Variants in DAZL observed in about 807,000 individuals in gnomAD.
The protein encoded by DAZL is deleted in azoospermia-like.
Under a neutral mutation model 45.0 loss-of-function variants are expected in DAZL, and 4 were observed. The ratio of observed to expected loss-of-function variants is 0.09; its 90% CI spans 0.04 to 0.20. DAZL has a LOEUF of 0.20. Ranked by LOEUF, DAZL falls within the 10% of genes least tolerant of loss-of-function variation. The pLI is 1.00. For missense variants in DAZL, 326 were observed against 351.3 expected (o/e 0.93, Z 0.58); for synonymous variants, 122 against 112.4 (o/e 1.09, Z -0.54).
intron 8 of DAZL, 55 bp from the exon 9 acceptor site, chr3:16,593,823 G>A (rs1694557628): frequency 2.6e-6 from 3 of 1,156,988 alleles, no homozygotes; most frequent in South Asian, 2.8e-5. Context: ...ATATTTAAAA[G>A]CCACTTATTC....
At chr3:16,596,942 A>G in intron 5 of DAZL, 46 bp downstream of exon 5, 1 of 1,613,190 alleles carries the variant, frequency 6.2e-7, no homozygotes, top group Non-Finnish European at 8.5e-7. Flanking sequence ...GAAAAGCTAC[A>G]CAATTTCTTT....
At chr3:16,592,008 A>G in intron 10 of DAZL, 42 bp downstream of exon 10, 2 of 1,585,052 alleles carry the variant, frequency 1.3e-6, no homozygotes, top group Non-Finnish European at 1.7e-6. Context: ...TTTAAAGCTA[A>G]CAAGTGTGCT....
intron 10 of DAZL, among the ~76,000 whole-genome samples, chr3:16,590,115 C>T (rs1470583579): frequency 6.6e-6 from 1 of 152,124 alleles, no homozygotes; most frequent in Non-Finnish European, 1.5e-5. Flanking sequence ...CTTTGAAAAT[C>T]ATTTAAGTAC....
intron 1 of DAZL, among the ~76,000 whole-genome samples, chr3:16,603,036 A>G (rs183000295): frequency 2.0e-5 from 3 of 152,330 alleles, no homozygotes; most frequent in Admixed American, 2.0e-4. Context: ...ACATAGTAAA[A>G]TATTTTCCAG....
chr3:16,591,789 C>T (rs1694522612), intron 10 of DAZL, among the ~76,000 whole-genome samples: 1 of 152,222 alleles, frequency 6.6e-6, no homozygotes, highest in South Asian at 2.1e-4. Flanking sequence ...AGCCAGTCAA[C>T]TAACTCTTCT....
At chr3:16,595,584 G>T (rs894868097) in intron 6 of DAZL, among the ~76,000 whole-genome samples, 199 bp from the exon 7 acceptor site, 3 of 151,918 alleles carry the variant, frequency 2.0e-5, no homozygotes, top group African/African-American at 7.2e-5. Context: ...TGGGGAGGGG[G>T]AACAGACAAA....
intron 4 of DAZL, 44 bp downstream of exon 4, chr3:16,597,446 T>C (rs748444130): frequency 2.8e-5 from 33 of 1,194,986 alleles, no homozygotes; most frequent in Non-Finnish European, 3.8e-5. Flanking sequence ...ACACTAAACA[T>C]TGTATCAATT....
intron 1 of DAZL, among the ~76,000 whole-genome samples, chr3:16,603,814 C>G (rs1694731496): frequency 6.6e-6 from 1 of 152,134 alleles, no homozygotes; most frequent in Non-Finnish European, 1.5e-5. Flanking sequence ...CGGTGTAACT[C>G]TTGTAAAAGT....
intron 3 of DAZL, among the ~76,000 whole-genome samples, chr3:16,597,867 G>GAA (rs769216389): frequency 6.6e-6 from 1 of 152,106 alleles, no homozygotes; most frequent in African/African-American, 2.4e-5. Context: ...AGTTCTTTGA[G>GAA]AAAACTGATT....
At chr3:16,591,433 A>ATTTT (rs200206679) in intron 10 of DAZL, among the ~76,000 whole-genome samples, 1 of 143,762 alleles carries the variant, frequency 7.0e-6, no homozygotes, top group Non-Finnish European at 1.5e-5. Flanking sequence ...ATATGCATGT[A>ATTTT]TTTTTTTTTT....
chr3:16,597,185 T>C (rs1694613496), intron 4 of DAZL, 134 bp from the exon 5 acceptor site: 34 of 1,166,128 alleles, frequency 2.9e-5, no homozygotes, highest in South Asian at 4.3e-5. Context: ...AAATTAAAAT[T>C]TGTCATCATG....
intron 1 of DAZL, among the ~76,000 whole-genome samples, chr3:16,600,701 T>C (rs1051168969): frequency 1.3e-5 from 2 of 152,230 alleles, no homozygotes; most frequent in Non-Finnish European, 2.9e-5. Context: ...TCCTTTTCAA[T>C]TCCCCCTTGA....
intron 2 of DAZL, 27 bp from the exon 3 acceptor site, chr3:16,598,205 G>A (rs984011846): frequency 1.3e-6 from 2 of 1,554,134 alleles, no homozygotes; most frequent in Non-Finnish European, 1.8e-6. Flanking sequence ...AACTTCAAGA[G>A]TAAAAATTCA....
intron 6 of DAZL, among the ~76,000 whole-genome samples, chr3:16,596,002 G>A (rs1384222081): frequency 6.6e-6 from 1 of 151,796 alleles, no homozygotes; most frequent in Non-Finnish European, 1.5e-5. Context: ...AACAAGTAGG[G>A]CTTTTTTTTT....
At chr3:16,600,590 C>T (rs895422081) in intron 1 of DAZL, among the ~76,000 whole-genome samples, 1 of 152,146 alleles carries the variant, frequency 6.6e-6, no homozygotes, top group Non-Finnish European at 1.5e-5. Context: ...GATTAGATTT[C>T]CCCCCTACAG....
chr3:16,600,192 T>G (rs1271190568), intron 1 of DAZL, among the ~76,000 whole-genome samples: 1 of 152,120 alleles, frequency 6.6e-6, no homozygotes, highest in Non-Finnish European at 1.5e-5. Flanking sequence ...CACATATACC[T>G]GTCTGAAAGA....
rs374726156 is a variant in DAZL at position 16,605,200 on chromosome 3, C to A, written c.3+3G>T. On this transcript the variant is annotated splice_donor_region_variant and intron_variant, in intron 1 of 10. Transcript: ENST00000399444. ...TGCCCCTCGGGCCTCTCCCTCAACT[C>A]ACCATGATGGCGGCAGGCAGCAGTT... is the stretch of plus-strand genomic sequence containing the variant. 2.4e-5 allele frequency: 39 copies of A among 1,614,200 alleles called. No homozygotes were observed. Among genetic ancestry groups the A allele is most frequent in the Non-Finnish European group, 3.2e-5 (38 of 1,180,006 alleles).
rs182399144 is a variant in DAZL at position 16,600,378 on chromosome 3, C to T, written c.4-1780G>A. Among the ~76,000 whole-genome samples, 287 of 152,222 alleles carry T rather than the reference C, an allele frequency of 1.9e-3. 1 individual carries two copies. Among genetic ancestry groups the T allele is most frequent in the African/African-American group, 6.5e-3 (272 of 41,562 alleles). ...AAATCAACTAAAGCTGAGTTTATTG[C>T]TTTTCTCTATTCGTTTGTGCTTATA... is the stretch of plus-strand genomic sequence containing the variant. On this transcript the variant is annotated intron_variant, in intron 1 of 10. Transcript: ENST00000399444.
In DAZL at chr3:16,594,565, C is replaced by T; in HGVS notation, c.589G>A (p.Val197Ile). 16 of 1,588,904 alleles carry T rather than the reference C, an allele frequency of 1.0e-5. No homozygotes were observed. The highest frequency in any genetic ancestry group is 1.3e-5 in the Non-Finnish European group (15 of 1,169,666). The change falls in exon 8 of 11, where the codon GTT (valine) becomes ATT (isoleucine). Residue 197 changes from valine to isoleucine, a missense_variant. Physicochemically the swap from Val to Ile is conservative, Grantham distance 29. Around this residue, in one of 3 missense-constraint regions of DAZL, gnomAD observed 227 missense variants for 216.6 expected, o/e 1.05. Coordinates refer to ENST00000399444, the MANE Select transcript of DAZL (RefSeq NM_001351.4). ...ACAACATAGCTCCTTTGCTCCCCAA[C>T]AGGCCACTGTGGTGGCATCTTAAAA... ...YNYQMPPQWPVGEQRSYVVPP... is the reference protein window; with the variant it reads ...YNYQMPPQWPIGEQRSYVVPP...
Sources: allele counts gnomAD v4.1 joint callset (sites outside exome capture counted in the v4.1 genomes callset), GRCh38; gene constraint gnomAD v4.1.1; regional missense constraint gnomAD v4.1.1; transcripts MANE v1.5; gene names NCBI Gene and HGNC (gene_info 2026-07-23, HGNC 2026-07-21).